Variants in ALOXE3 observed in about 807,000 individuals in gnomAD.
The protein encoded by ALOXE3 is hydroperoxide isomerase ALOXE3.
A neutral mutation model predicts 87.5 loss-of-function variants in ALOXE3; 78 were observed. The ratio of observed to expected loss-of-function variants is 0.89; its 90% CI spans 0.74 to 1.08. The LOEUF (loss-of-function observed/expected upper bound fraction) is 1.08, where lower values mean the gene tolerates loss of function less well. Among genes scored for constraint, ALOXE3 ranks in the 50% least tolerant of loss-of-function variants. The pLI, the probability that ALOXE3 is intolerant of heterozygous loss-of-function variation, is 0.00. For missense variants in ALOXE3, 946 were observed against 912.4 expected (o/e 1.04, Z -0.47); for synonymous variants, 363 against 370.8 (o/e 0.98, Z 0.24).
In ALOXE3 at chr17:8,116,952, G is replaced by A. The variant is rs140562111; in HGVS notation, c.176C>T (p.Ala59Val). 2.5e-6 allele frequency: 4 copies of A among 1,613,982 alleles called. No individual in the cohort carries two copies. In the African/African-American group the frequency reaches 5.3e-5, roughly 22 times the overall value. Reference sequence around the variant, plus strand: ...CAGCAGCAAGAGCTCACCCAGCTCCGCTGTGCAACGCACCTTGTACTTCTG... The same window carrying A: ...CAGCAGCAAGAGCTCACCCAGCTCCACTGTGCAACGCACCTTGTACTTCTG... ...SVQKYKVRCT[A>V]ELGELLLLRV... The change falls in exon 3 of 16, where the codon GCG becomes GTG. Residue 59 changes from alanine (A) to valine (V), a missense_variant. Physicochemically the swap from Ala to Val is moderately conservative, Grantham distance 64 (BLOSUM62 0). Transcript: ENST00000448843.
At chr17:8,102,999 C>T (rs1008149142) in intron 15 of ALOXE3, among the ~76,000 whole-genome samples, 10 of 152,180 alleles carry the variant, frequency 6.6e-5, no homozygotes, top group Non-Finnish European at 1.2e-4. Context: ...TCTCAGCCAG[C>T]GTTATAGGCC....
At chr17:8,101,651 G>GT (rs915792240) in intron 15 of ALOXE3, among the ~76,000 whole-genome samples, 3 of 149,516 alleles carry the variant, frequency 2.0e-5, no homozygotes, top group Non-Finnish European at 1.5e-5. Context: ...TTGTTTTTTT[G>GT]TTTTTTGTTT....
rs776273947 is a variant in ALOXE3, at chr17:8,096,621, G to A, written c.*6C>T. On this transcript the variant is annotated 3_prime_UTR_variant, in exon 16 of 16. Transcript: ENST00000448843. ...TTCTTTCTTCTTGGGTGGTATTTGG[G>A]GGTGGTTAGATGGAGACGCTGTTCT... 1.6e-6 allele frequency: 2 copies of A among 1,217,854 alleles called. No homozygotes were observed. Among genetic ancestry groups the A allele is most frequent in the African/African-American group, 1.5e-5 (1 of 67,002 alleles). 75.4% of individuals were successfully genotyped at this position (1,217,854 alleles called of 1,614,324 possible).
At position 8,114,566 on chromosome 17, in the gene ALOXE3, T is replaced by C. The variant is rs1415238125; in HGVS notation, c.598A>G (p.Ile200Val). ...GGCTCCATGTACATCAGGGATGGGA[T>C]GTCAATTTTCATGGGGAAGCCGGGC... ...YLPGFPMKID[I>V]PSLMYMEPNV... The change falls in exon 6 of 16, where the codon ATC becomes GTC. Residue 200 changes from isoleucine to valine, a missense_variant. By Grantham distance (29) the Ile-to-Val change is conservative. Transcript: ENST00000448843. 1 of 1,613,824 alleles carries C rather than the reference T, an allele frequency of 6.2e-7. No homozygotes were observed.
At position 8,108,710 on chromosome 17, in the gene ALOXE3, C is replaced by A. The variant is rs566609630; in HGVS notation, c.1563-121G>T. 4 of 1,424,704 alleles carry A rather than the reference C, an allele frequency of 2.8e-6. No homozygotes were observed. In the East Asian group the frequency reaches 7.5e-5, roughly 27 times the overall value. The allele number at this position is 1,424,704 out of a possible 1,614,324, so 88.3% of individuals were successfully genotyped here. ...GATAGCCATGGGGGTTCAGCAGGGA[C>A]CCCCAGGTGCAGCTGGAATCTGAGT... On this transcript the variant is annotated intron_variant, in intron 12 of 15. Coordinates refer to ENST00000448843, the MANE Select transcript of ALOXE3 (RefSeq NM_021628.3).
chr17:8,104,190 T>C lies in ALOXE3; in HGVS notation c.1710A>G (p.Pro570=), dbSNP rs199731680. The C allele has an allele frequency of 8.7e-6, 14 of 1,613,854 alleles. No homozygotes were observed. The East Asian group carries it at 2.9e-4, about 33-fold the overall frequency. ...SSGFPSRLCT[P]GEMVKFLTAI... is the part of the protein sequence containing the mutation. ...CAGTGAGGAACTTCACCATCTCTCC[T>C]GGGGTGCACAGCCGGCTTGGGAAAC... is the stretch of plus-strand genomic sequence containing the variant. The change falls in exon 14 of 16, where the codon CCA becomes CCG. Residue 570 remains proline (P), a synonymous_variant. Transcript: ENST00000448843.
intron 6 of ALOXE3, among the ~76,000 whole-genome samples, chr17:8,113,939 C>T (rs576669056): frequency 6.0e-5 from 9 of 150,870 alleles, no homozygotes; most frequent in East Asian, 2.0e-4. Context: ...GCAGGAGAAT[C>T]GCTTGAACCC....
At chr17:8,115,437 G>A (rs1980501335) in intron 4 of ALOXE3, among the ~76,000 whole-genome samples, 170 bp downstream of exon 4, 1 of 152,202 alleles carries the variant, frequency 6.6e-6, no homozygotes, top group Non-Finnish European at 1.5e-5. Context: ...TACTATTGGT[G>A]TTCTCAGTTC....
chr17:8,108,626 AC>A (rs777505984), intron 12 of ALOXE3, 37 bp from the exon 13 acceptor site: 1 of 1,601,182 alleles, frequency 6.2e-7, no homozygotes, highest in South Asian at 1.1e-5. Flanking sequence ...TGGAGTAACC[AC>A]GGGCTCAGTC....
At chr17:8,115,354 T>A (rs933069653) in intron 4 of ALOXE3, among the ~76,000 whole-genome samples, 3 of 152,166 alleles carry the variant, frequency 2.0e-5, no homozygotes, top group African/African-American at 7.2e-5. Context: ...TCACTTCTGA[T>A]ATTGGGATCT....
chr17:8,118,290 G>C lies in ALOXE3; in HGVS notation c.-300C>G, dbSNP rs3027229. The C allele has an allele frequency of 0.1, 161,553 of 1,551,620 alleles. 9,849 individuals are homozygous for C. The highest frequency in any genetic ancestry group is 0.27 in the African/African-American group (19,450 of 73,038). ...GCTGGCTCACCCAGATGGATATCAG[G>C]AGCCTGGGTTCCACTGCGGAGGGAG... On this transcript the variant is annotated 5_prime_UTR_variant, in exon 2 of 16. Coordinates refer to ENST00000448843, the MANE Select transcript of ALOXE3 (RefSeq NM_021628.3).
intron 13 of ALOXE3, among the ~76,000 whole-genome samples, chr17:8,106,696 T>C (rs1979339049): frequency 6.6e-6 from 1 of 152,142 alleles, no homozygotes; most frequent in Admixed American, 6.5e-5. Flanking sequence ...CGTGGTAGTG[T>C]GCGACTGTAG....
At chr17:8,110,580 C>G in intron 8 of ALOXE3, 52 bp from the exon 9 acceptor site, 2 of 1,601,718 alleles carry the variant, frequency 1.2e-6, no homozygotes, top group Non-Finnish European at 1.7e-6. Context: ...CGCTCCACTT[C>G]CCTCCCATTT....
At chr17:8,108,401 G>C in intron 13 of ALOXE3, 67 bp downstream of exon 13, 1 of 1,593,284 alleles carries the variant, frequency 6.3e-7, no homozygotes, top group Non-Finnish European at 8.6e-7. Context: ...ACTGATGGGA[G>C]TAGGGTGTGG....
Position 8,112,072 on chromosome 17 carries a change from C to T in ALOXE3, c.784+21G>A, listed in dbSNP as rs750547820. 6 of 1,605,090 alleles carry T rather than the reference C, an allele frequency of 3.7e-6. No individual in the cohort carries two copies. In the East Asian group the frequency reaches 8.9e-5, roughly 24 times the overall value. ...ATGAGATAAGGTGAGGGGTAGACAT[C>T]TCCTGCCTGGCTCTGCTCACTTGTC... On this transcript the variant is annotated intron_variant, in intron 7 of 15. Coordinates refer to ENST00000448843, the MANE Select transcript of ALOXE3 (RefSeq NM_021628.3).
rs777046866 is a variant in ALOXE3, at chr17:8,114,614, G to A, written c.555-5C>T. 4.3e-6 allele frequency: 7 copies of A among 1,613,832 alleles called. No homozygotes were observed. In the South Asian group the frequency reaches 6.6e-5, roughly 15 times the overall value. ...GGCAGGTACCGATTCCCACTGCTGG[G>A]GGTCGGGGGAGTAGAAAGACAGAAA... On this transcript the variant is annotated splice_polypyrimidine_tract_variant and splice_region_variant and intron_variant, in intron 5 of 15. Coordinates refer to ENST00000448843, the MANE Select transcript of ALOXE3 (RefSeq NM_021628.3).
At position 8,096,308 on chromosome 17, in the gene ALOXE3, T is replaced by C; in HGVS notation, c.*319A>G. On this transcript the variant is annotated 3_prime_UTR_variant, in exon 16 of 16. Transcript: ENST00000448843. ...GGGAGAAAAGCTCAGAAACCCAAGC[T>C]GGGCATTCCAAGAGGCTGGAACAAG... The C allele has an allele frequency of 3.5e-6, 1 of 287,602 alleles. No homozygotes were observed. The highest frequency in any genetic ancestry group is 6.5e-6 in the Non-Finnish European group (1 of 152,862). 17.8% of individuals were successfully genotyped at this position (287,602 alleles called of 1,614,324 possible). A position where few individuals can be genotyped will look rare whatever the true frequency, so the allele number is the denominator to read the frequency against.
At chr17:8,115,271 G>A (rs1980487808) in intron 4 of ALOXE3, among the ~76,000 whole-genome samples, 1 of 152,234 alleles carries the variant, frequency 6.6e-6, no homozygotes, top group Admixed American at 6.5e-5. Flanking sequence ...AGATGGGTTT[G>A]TGTTGAGATT....
intron 11 of ALOXE3, 59 bp from the exon 12 acceptor site, chr17:8,109,402 G>A: frequency 6.3e-7 from 1 of 1,595,024 alleles, no homozygotes; most frequent in Non-Finnish European, 8.5e-7. Context: ...TAGTGTCTGG[G>A]CACGAGATGG....
Sources: allele counts gnomAD v4.1 joint callset (sites outside exome capture counted in the v4.1 genomes callset), GRCh38; gene constraint gnomAD v4.1.1; transcripts MANE v1.5; gene names NCBI Gene and HGNC (gene_info 2026-07-23, HGNC 2026-07-21).